DISP1: variants seen among roughly 807,000 people sequenced by gnomAD.
The protein encoded by DISP1 is protein dispatched homolog 1.
DISP1 carries 30 observed loss-of-function variants against 37.3 expected under a neutral mutation model. That is an observed-to-expected ratio of 0.80 (90% CI 0.60 to 1.09). The LOEUF is 1.09. Ranked by LOEUF, DISP1 falls within the 50% of genes least tolerant of loss-of-function variation. The probability of loss-of-function intolerance (pLI) is 0.00; values close to 1 mark genes in which losing one functional copy is unlikely to be tolerated. For missense variants in DISP1, 1,598 were observed against 1,879.5 expected (o/e 0.85, Z 2.77); for synonymous variants, 634 against 690.2 (o/e 0.92, Z 1.28).
At chr1:222,867,927 T>G (rs1669289148) in intron 1 of DISP1, among the ~76,000 whole-genome samples, 2 of 152,182 alleles carry the variant, frequency 1.3e-5, no homozygotes, top group Admixed American at 1.3e-4. Flanking sequence ...CAGAAGGAGT[T>G]AGTGAGAGGG....
chr1:222,969,581 A>G (rs1042438200), intron 3 of DISP1, among the ~76,000 whole-genome samples: 1 of 151,958 alleles, frequency 6.6e-6, no homozygotes, highest in Non-Finnish European at 1.5e-5. Context: ...CAATTGTGTG[A>G]TATATAAGTA....
chr1:222,867,725 T>A (rs531683626), intron 1 of DISP1, among the ~76,000 whole-genome samples: 5 of 152,238 alleles, frequency 3.3e-5, no homozygotes, highest in Non-Finnish European at 5.9e-5. Flanking sequence ...CTGGGTTTTA[T>A]GGTTCTCTGT....
chr1:222,999,162 C>T (rs1034427019), intron 8 of DISP1, among the ~76,000 whole-genome samples: 2 of 152,070 alleles, frequency 1.3e-5, no homozygotes. Flanking sequence ...CAACTCCACC[C>T]CTGGCACTAT....
At chr1:222,846,975 T>C (rs1424193863) in intron 1 of DISP1, among the ~76,000 whole-genome samples, 1 of 152,266 alleles carries the variant, frequency 6.6e-6, no homozygotes, top group African/African-American at 2.4e-5. Context: ...ATCTATTATA[T>C]AAAATGATTA....
chr1:222,983,022 TATG>T (rs978171387), intron 3 of DISP1, 55 bp from the exon 4 acceptor site: 1 of 1,291,910 alleles, frequency 7.7e-7, no homozygotes, highest in Non-Finnish European at 1.1e-6. Flanking sequence ...TTGTTTATGT[TATG>T]ATGTTTATGA....
chr1:222,876,337 T>C (rs1303661737), intron 1 of DISP1, among the ~76,000 whole-genome samples: 4 of 152,144 alleles, frequency 2.6e-5, no homozygotes, highest in African/African-American at 7.2e-5. Flanking sequence ...TAAAGATAAA[T>C]ATAAATGAAG....
chr1:222,924,859 T>C (rs1558332234), intron 1 of DISP1, among the ~76,000 whole-genome samples: 1 of 152,126 alleles, frequency 6.6e-6, no homozygotes, highest in African/African-American at 2.4e-5. Context: ...AGCAGCTGTT[T>C]TATCACTTTT....
At chr1:222,920,096 CCTT>C (rs1258767263) in intron 1 of DISP1, among the ~76,000 whole-genome samples, 10 of 152,160 alleles carry the variant, frequency 6.6e-5, no homozygotes, top group African/African-American at 2.2e-4. Flanking sequence ...GTAAAGGTAA[CCTT>C]CTCTATAAAT....
intron 1 of DISP1, among the ~76,000 whole-genome samples, chr1:222,884,868 C>T (rs999686585): frequency 1.3e-5 from 2 of 152,182 alleles, no homozygotes; most frequent in East Asian, 1.9e-4. Flanking sequence ...GACGGAGTCT[C>T]GCTGTGTGCC....
chr1:222,860,118 A>G (rs140450181), intron 1 of DISP1, among the ~76,000 whole-genome samples: 11,881 of 152,222 alleles, frequency 0.078, 536 homozygotes, highest in Non-Finnish European at 0.11. Context: ...GTGCAATGGC[A>G]CGATCTCGGC....
intron 1 of DISP1, among the ~76,000 whole-genome samples, chr1:222,885,934 T>G (rs1229259936): frequency 1.3e-5 from 2 of 151,966 alleles, no homozygotes; most frequent in Non-Finnish European, 2.9e-5. Flanking sequence ...AGATTATTCC[T>G]AATTTGTATG....
Position 222,999,004 on chromosome 1 carries a change from G to A in DISP1, c.988-3381G>A, listed in dbSNP as rs74613373. Among the ~76,000 whole-genome samples, 667 of 152,112 alleles carry A rather than the reference G, an allele frequency of 4.4e-3. 16 individuals carry two copies. The East Asian group carries it at 0.068, about 16-fold the overall frequency. ...GCAGTCAATTGAACCTGGTATTAAG[G>A]GCTTAATTTTCCTCCCTTTTGTTCT... On this transcript the variant is annotated intron_variant, in intron 8 of 8. Coordinates refer to ENST00000675850, the MANE Select transcript of DISP1 (RefSeq NM_001377229.1).
chr1:222,917,238 TC>T (rs35219892), intron 1 of DISP1, among the ~76,000 whole-genome samples: 50,815 of 151,966 alleles, frequency 0.33, 8,670 homozygotes, highest in East Asian at 0.52. Flanking sequence ...TCTGCATTTG[TC>T]CCCCCTTCAT....
At chr1:222,899,618 G>T (rs547415899) in intron 1 of DISP1, among the ~76,000 whole-genome samples, 4 of 152,174 alleles carry the variant, frequency 2.6e-5, no homozygotes, top group South Asian at 4.1e-4. Context: ...TTGTGCTGTT[G>T]TCTAGGCTGT....
At chr1:222,844,476 C>T (rs893168129) in intron 1 of DISP1, among the ~76,000 whole-genome samples, 2 of 152,060 alleles carry the variant, frequency 1.3e-5, no homozygotes, top group Admixed American at 6.6e-5. Context: ...AATGGATAGC[C>T]GATCCAGCCT....
intron 1 of DISP1, among the ~76,000 whole-genome samples, chr1:222,844,449 T>TCTG (rs1402935102): frequency 6.6e-6 from 1 of 152,166 alleles, no homozygotes; most frequent in Non-Finnish European, 1.5e-5. Context: ...TACTGACTAA[T>TCTG]CTGCCTTCAG....
intron 1 of DISP1, among the ~76,000 whole-genome samples, chr1:222,873,194 T>C (rs1298704036): frequency 3.1e-4 from 47 of 152,040 alleles, no homozygotes; most frequent in Non-Finnish European, 5.6e-4. Flanking sequence ...TTACTTCCAA[T>C]TATGTGGTCA....
At chr1:222,834,129 ATAGAAT>A (rs1655994988) in intron 1 of DISP1, among the ~76,000 whole-genome samples, 2 of 152,140 alleles carry the variant, frequency 1.3e-5, no homozygotes, top group African/African-American at 4.8e-5. Context: ...GCAGCATCTT[ATAGAAT>A]GGTGTTTATT....
intron 3 of DISP1, among the ~76,000 whole-genome samples, chr1:222,951,934 T>C (rs1334197550): frequency 2.0e-5 from 3 of 152,234 alleles, no homozygotes; most frequent in Non-Finnish European, 4.4e-5. Flanking sequence ...CACAGGCAAG[T>C]TTTATGTGTA....
Sources: gnomAD v4.1 joint callset for allele counts (sites outside exome capture counted in the v4.1 genomes callset) on GRCh38, gnomAD v4.1.1 for gene constraint, MANE v1.5 for transcripts, NCBI Gene and HGNC (gene_info 2026-07-23, HGNC 2026-07-21) for gene names.